The following NCS1 variants were observed in gnomAD, a reference collection of about 807,000 sequenced individuals.
NCS1 encodes the protein frequenin homolog.
A neutral mutation model predicts 28.4 loss-of-function variants in NCS1; 6 were observed. The ratio of observed to expected loss-of-function variants is 0.21; its 90% CI spans 0.12 to 0.42. The LOEUF is 0.42. NCS1 is among the 10% of genes least tolerant of loss of function. The pLI, the probability that NCS1 is intolerant of heterozygous loss-of-function variation, is 1.00. For missense variants in NCS1, 131 were observed against 241.4 expected (o/e 0.54, Z 3.03); for synonymous variants, 86 against 99.3 (o/e 0.87, Z 0.79).
intron 1 of NCS1, among the ~76,000 whole-genome samples, chr9:130,179,804 C>T (rs979380690): frequency 6.6e-6 from 1 of 152,156 alleles, no homozygotes; most frequent in Non-Finnish European, 1.5e-5. Flanking sequence ...CTGGAGGAGA[C>T]TCTTGGGGCC....
chr9:130,201,494 G>A (rs919132341), intron 2 of NCS1, among the ~76,000 whole-genome samples: 1 of 152,128 alleles, frequency 6.6e-6, no homozygotes, highest in Non-Finnish European at 1.5e-5. Flanking sequence ...ATGGAAAAGC[G>A]GCAGTGAGGG....
chr9:130,199,738 G>T (rs939723305), intron 1 of NCS1, among the ~76,000 whole-genome samples: 28 of 152,230 alleles, frequency 1.8e-4, no homozygotes, highest in African/African-American at 6.3e-4. Flanking sequence ...TTGCGAGCTT[G>T]CTTTGAGTGG....
chr9:130,222,543 C>A, intron 4 of NCS1, 107 bp from the exon 5 acceptor site: 1 of 841,574 alleles, frequency 1.2e-6, no homozygotes, highest in Non-Finnish European at 2.0e-6. Flanking sequence ...GAGGAATGGG[C>A]CATCCGGTCG....
chr9:130,223,007 TG>T, intron 5 of NCS1, 74 bp from the exon 6 acceptor site: 2 of 1,274,026 alleles, frequency 1.6e-6, no homozygotes, highest in Non-Finnish European at 2.3e-6. Context: ...CTGCCAGGTC[TG>T]GGGGGCAAAT....
In NCS1 at chr9:130,192,544, A is replaced by G. The variant is rs963440648; in HGVS notation, c.65-8414A>G. Reference sequence around the variant, plus strand: ...GGGAGCTGGGGGGCCTGGAGGTCTCAGGAGTTGACCTCTTTCGTGGGACAG... The same window carrying G: ...GGGAGCTGGGGGGCCTGGAGGTCTCGGGAGTTGACCTCTTTCGTGGGACAG... On this transcript the variant is annotated intron_variant, in intron 1 of 7. Transcript: ENST00000372398. The surrounding 1 kb of genome is among the most constrained non-coding windows in gnomAD (Gnocchi z 4.8). Among the ~76,000 whole-genome samples, 3 of 152,052 alleles carry G rather than the reference A, an allele frequency of 2.0e-5. No homozygotes were observed. The highest frequency in any genetic ancestry group is 7.2e-5 in the African/African-American group (3 of 41,412).
At chr9:130,202,929 C>T (rs1588116378) in intron 2 of NCS1, among the ~76,000 whole-genome samples, 1 of 151,820 alleles carries the variant, frequency 6.6e-6, no homozygotes. Flanking sequence ...GCTCATCATT[C>T]CACATGGCAG....
At chr9:130,190,336 A>G (rs189538805) in intron 1 of NCS1, among the ~76,000 whole-genome samples, 40 of 152,188 alleles carry the variant, frequency 2.6e-4, no homozygotes, top group Non-Finnish European at 5.1e-4. Flanking sequence ...GACAGAACAA[A>G]ACCATTTCTC....
chr9:130,202,354 A>ACCCCCCCCCG (rs1832961839), intron 2 of NCS1, among the ~76,000 whole-genome samples: 2 of 113,338 alleles, frequency 1.8e-5, no homozygotes, highest in Non-Finnish European at 3.7e-5. Context: ...CCTCCCCCCC[A>ACCCCCCCCCG]CCCCCTGAAA....
chr9:130,201,007 C>T (rs374897722), intron 2 of NCS1, 25 bp downstream of exon 2: 89 of 1,613,902 alleles, frequency 5.5e-5, no homozygotes, highest in Non-Finnish European at 5.2e-5. Flanking sequence ...TTTCTCAAAC[C>T]GTAGAGGGGC....
intron 4 of NCS1, among the ~76,000 whole-genome samples, chr9:130,221,377 CATATA>C (rs1833286017): frequency 1.2e-5 from 1 of 84,716 alleles, no homozygotes; most frequent in Non-Finnish European, 2.2e-5. Context: ...TATAAAATAT[CATATA>C]TATATATATA....
chr9:130,200,864 G>A lies in NCS1; in HGVS notation c.65-94G>A. 1.9e-6 allele frequency: 3 copies of A among 1,545,208 alleles called. No homozygotes were observed. In the African/African-American group the frequency reaches 4.1e-5, roughly 21 times the overall value. On this transcript the variant is annotated intron_variant, in intron 1 of 7. Coordinates refer to ENST00000372398, the MANE Select transcript of NCS1 (RefSeq NM_014286.4). ...CCCGGGGACATGGCCGTGGGGAGGG[G>A]AGGGCTGGAGGGGAGGCCCCCCAGC...
chr9:130,221,335 AAT>A (rs200564191), intron 4 of NCS1, among the ~76,000 whole-genome samples: 15 of 139,286 alleles, frequency 1.1e-4, no homozygotes, highest in East Asian at 6.2e-4. Flanking sequence ...TGTTATTTTT[AAT>A]ATATATATAT....
At chr9:130,197,110 A>G (rs184539011) in intron 1 of NCS1, among the ~76,000 whole-genome samples, 54 of 152,290 alleles carry the variant, frequency 3.5e-4, no homozygotes, top group Non-Finnish European at 6.3e-4. Flanking sequence ...TTCACGGATA[A>G]CGTGCCCTTC....
At chr9:130,198,777 A>G (rs1045182963) in intron 1 of NCS1, among the ~76,000 whole-genome samples, 7 of 152,032 alleles carry the variant, frequency 4.6e-5, no homozygotes, top group Non-Finnish European at 1.0e-4. Flanking sequence ...CCGGATTTGA[A>G]CCCAGGCGGT....
At chr9:130,230,210 G>A (rs141849448) in intron 7 of NCS1, among the ~76,000 whole-genome samples, 6,489 of 152,212 alleles carry the variant, frequency 0.043, 426 homozygotes, top group African/African-American at 0.14. Flanking sequence ...AATCAGCCAG[G>A]TGTGGTGGCG....
chr9:130,217,069 C>A (rs533022881), intron 2 of NCS1, among the ~76,000 whole-genome samples: 1 of 152,202 alleles, frequency 6.6e-6, no homozygotes, highest in Non-Finnish European at 1.5e-5. Flanking sequence ...CTGATACCAA[C>A]AAGAGGGGTA....
chr9:130,221,146 C>G (rs1187787749), intron 4 of NCS1, among the ~76,000 whole-genome samples: 2 of 151,824 alleles, frequency 1.3e-5, no homozygotes, highest in Non-Finnish European at 2.9e-5. Context: ...GCTTCAGCCT[C>G]CCAAGTAGCT....
At chr9:130,184,029 C>T (rs1832707172) in intron 1 of NCS1, among the ~76,000 whole-genome samples, 1 of 152,048 alleles carries the variant, frequency 6.6e-6, no homozygotes, top group Non-Finnish European at 1.5e-5. Context: ...CCAGGATGGT[C>T]TCGATCTCCT....
At chr9:130,188,480 T>TGGCTGGATCTC (rs1832769624) in intron 1 of NCS1, among the ~76,000 whole-genome samples, 2 of 145,322 alleles carry the variant, frequency 1.4e-5, no homozygotes, top group Admixed American at 6.9e-5. Flanking sequence ...TGGAGTGCAA[T>TGGCTGGATCTC]GGCTCGATCT....
Sources: allele counts gnomAD v4.1 joint callset (sites outside exome capture counted in the v4.1 genomes callset), GRCh38; gene constraint gnomAD v4.1.1; non-coding constraint Gnocchi (gnomAD v3.1); transcripts MANE v1.5; gene names NCBI Gene and HGNC (gene_info 2026-07-23, HGNC 2026-07-21).